VAV3: variants seen among roughly 807,000 people sequenced by gnomAD.
VAV3 encodes guanine nucleotide exchange factor VAV3.
A neutral mutation model predicts 131.2 loss-of-function variants in VAV3; 94 were observed. The observed-to-expected ratio is 0.72, with a 90% confidence interval of 0.61 to 0.85. The LOEUF is 0.85. VAV3 is among the 40% of genes least tolerant of loss of function. The probability of loss-of-function intolerance (pLI) is 0.00; values close to 1 mark genes in which losing one functional copy is unlikely to be tolerated. For missense variants in VAV3, 939 were observed against 1,002.7 expected (o/e 0.94, Z 0.86); for synonymous variants, 349 against 342.0 (o/e 1.02, Z -0.22).
intron 1 of VAV3, among the ~76,000 whole-genome samples, chr1:107,950,811 T>C (rs1394322929): frequency 6.6e-6 from 1 of 152,028 alleles, no homozygotes; most frequent in East Asian, 1.9e-4. Context: ...GAGATATCAG[T>C]CAACTAAAGA....
chr1:107,925,024 A>T (rs1673083433), intron 1 of VAV3, among the ~76,000 whole-genome samples: 1 of 152,220 alleles, frequency 6.6e-6, no homozygotes, highest in Non-Finnish European at 1.5e-5. Context: ...AAATGGATAA[A>T]ATATGGTACA....
rs540892427 is a variant in VAV3 at position 107,588,141 on chromosome 1, T to G, written c.2350+8071A>C. On this transcript the variant is annotated intron_variant, in intron 25 of 26. Coordinates refer to ENST00000370056, the MANE Select transcript of VAV3 (RefSeq NM_006113.5). ...GGCTCAGAATAAAAATGCTTTAGAG[T>G]AGCTGGTAAAGATCCTGAAGTAACT... is the stretch of plus-strand genomic sequence containing the variant. Among the ~76,000 whole-genome samples the G allele has an allele frequency of 5.3e-5, 8 of 152,140 alleles. No homozygotes were observed. The East Asian group carries it at 1.5e-3, about 29-fold the overall frequency.
chr1:107,682,026 A>G (rs949301925), intron 19 of VAV3, among the ~76,000 whole-genome samples: 1 of 152,210 alleles, frequency 6.6e-6, no homozygotes. Flanking sequence ...ATGAAGTTCT[A>G]AAGTCTTTGG....
intron 20 of VAV3, among the ~76,000 whole-genome samples, chr1:107,620,033 T>C (rs1038410538): frequency 3.3e-5 from 5 of 152,168 alleles, no homozygotes; most frequent in African/African-American, 7.2e-5. Flanking sequence ...TGGTGATACA[T>C]GAAGTAGTAG....
chr1:107,934,786 C>T (rs1042331560), intron 1 of VAV3, among the ~76,000 whole-genome samples: 1 of 152,222 alleles, frequency 6.6e-6, no homozygotes, highest in South Asian at 2.1e-4. Flanking sequence ...TCAGACTGAA[C>T]ACACACTCTG....
chr1:107,601,285 T>G (rs978859904), intron 24 of VAV3, among the ~76,000 whole-genome samples: 7 of 152,172 alleles, frequency 4.6e-5, no homozygotes, highest in Admixed American at 2.6e-4. Flanking sequence ...ATCCTTAGCT[T>G]TTGAACTGGG....
At chr1:107,635,104 G>GC in intron 20 of VAV3, among the ~76,000 whole-genome samples, 1 of 152,030 alleles carries the variant, frequency 6.6e-6, no homozygotes, top group East Asian at 1.9e-4. Context: ...ATTTGACCCA[G>GC]CAATCCCATT....
chr1:107,643,887 A>G (rs1198100311), intron 19 of VAV3, among the ~76,000 whole-genome samples: 1 of 152,174 alleles, frequency 6.6e-6, no homozygotes, highest in South Asian at 2.1e-4. Flanking sequence ...TATCAATCCA[A>G]TCAGGAGGCA....
chr1:107,611,345 C>T (rs1293262306), intron 21 of VAV3, among the ~76,000 whole-genome samples: 1 of 152,048 alleles, frequency 6.6e-6, no homozygotes, highest in Non-Finnish European at 1.5e-5. Context: ...TTTAAAATCA[C>T]AACTTTGTAA....
intron 18 of VAV3, 107 bp from the exon 19 acceptor site, chr1:107,683,640 T>G (rs987585864): frequency 1.2e-5 from 14 of 1,143,778 alleles, no homozygotes; most frequent in Non-Finnish European, 1.8e-5. Flanking sequence ...GTTGCACATT[T>G]TCCAAGTCAA....
intron 2 of VAV3, among the ~76,000 whole-genome samples, chr1:107,795,925 A>G (rs1666516757): frequency 1.3e-5 from 2 of 152,218 alleles, no homozygotes; most frequent in Non-Finnish European, 2.9e-5. Flanking sequence ...CCTGATTCCC[A>G]TACTGATCTC....
chr1:107,782,940 T>C (rs1665773842), intron 2 of VAV3, among the ~76,000 whole-genome samples: 1 of 152,226 alleles, frequency 6.6e-6, no homozygotes, highest in African/African-American at 2.4e-5. Context: ...TAATAGGAAA[T>C]TCTGAGATAC....
intron 1 of VAV3, among the ~76,000 whole-genome samples, chr1:107,891,604 C>T (rs1381319699): frequency 1.3e-5 from 2 of 151,784 alleles, no homozygotes; most frequent in Non-Finnish European, 1.5e-5. Flanking sequence ...TTTGGGAGGC[C>T]GAAGCGGGTG....
intron 1 of VAV3, among the ~76,000 whole-genome samples, chr1:107,956,134 G>A (rs560109799): frequency 1.3e-5 from 2 of 152,326 alleles, no homozygotes; most frequent in East Asian, 1.9e-4. Flanking sequence ...CAGGAGAGAA[G>A]GCATCATCTA....
At chr1:107,800,541 T>C (rs867097613) in intron 2 of VAV3, among the ~76,000 whole-genome samples, 3 of 152,196 alleles carry the variant, frequency 2.0e-5, no homozygotes, top group South Asian at 2.1e-4. Flanking sequence ...TAATTTCAAC[T>C]CATATTTTAG....
chr1:107,736,936 G>A (rs959434615), intron 15 of VAV3, among the ~76,000 whole-genome samples: 4 of 152,130 alleles, frequency 2.6e-5, no homozygotes, highest in Non-Finnish European at 4.4e-5. Flanking sequence ...GAGGCATCAC[G>A]CTAGCTGACT....
rs114439780 is a variant in VAV3 at position 107,695,833 on chromosome 1, C to T, written c.1706-7427G>A. The stretch of plus-strand genomic sequence containing the variant: ...AAGAGAAAGGTCAAGTAAGGTAAGG[C>T]CTAAATGTGATGTGCCATGGATCTG... On this transcript the variant is annotated intron_variant, in intron 17 of 26. Transcript: ENST00000370056. 9.1e-3 allele frequency among the ~76,000 whole-genome samples: 1,379 copies of T among 152,104 alleles called. 21 individuals carry two copies. Among genetic ancestry groups the T allele is most frequent in the African/African-American group, 0.032 (1,314 of 41,482 alleles).
chr1:107,714,448 C>A (rs1052255813), intron 15 of VAV3, among the ~76,000 whole-genome samples: 6 of 152,168 alleles, frequency 3.9e-5, no homozygotes, highest in African/African-American at 1.4e-4. Context: ...GTTAGACTTT[C>A]CCATAAGATA....
Position 107,704,588 on chromosome 1 carries a change from A to T in VAV3, c.1667T>A (p.Leu556Ter). The T allele has an allele frequency of 6.2e-7, 1 of 1,613,956 alleles. No individual in the cohort carries two copies. Among genetic ancestry groups the T allele is most frequent in the Non-Finnish European group, 8.5e-7 (1 of 1,179,908 alleles). Residue 556 changes from leucine to a stop codon, truncating the protein, a stop_gained, in exon 17 of 27, where the codon TTG (leucine) becomes TAG (stop). Coordinates refer to ENST00000370056, the MANE Select transcript of VAV3 (RefSeq NM_006113.5). LOFTEE classifies it high-confidence loss of function. ...TCTGCCACAATTGTCTACTCTTCCC[A>T]AACATTCTTTGTGTGCTCTCGCTCC... is the stretch of plus-strand genomic sequence containing the variant. ...KCGARAHKEC[L>*]GRVDNCGRVN...
Sources: allele counts gnomAD v4.1 joint callset (sites outside exome capture counted in the v4.1 genomes callset), GRCh38; gene constraint gnomAD v4.1.1; transcripts MANE v1.5; gene names NCBI Gene and HGNC (gene_info 2026-07-23, HGNC 2026-07-21).